UNC13A: variants seen among roughly 807,000 people sequenced by gnomAD.
The protein encoded by UNC13A is protein unc-13 homolog A.
In UNC13A, 61 loss-of-function variants were observed where a neutral mutation model predicts 219.7. That is an observed-to-expected ratio of 0.28 (90% confidence interval 0.23 to 0.34). UNC13A has a LOEUF of 0.34. Ranked by LOEUF, UNC13A falls within the 10% of genes least tolerant of loss-of-function variation. The probability of loss-of-function intolerance (pLI) is 1.00; values close to 1 mark genes in which losing one functional copy is unlikely to be tolerated. For synonymous variants in UNC13A, 920 were observed against 884.6 expected (o/e 1.04, Z -0.71); for missense variants, 1,476 against 2,270.3 (o/e 0.65, Z 7.11).
intron 1 of UNC13A, among the ~76,000 whole-genome samples, chr19:17,680,648 T>A (rs537345682): frequency 5.9e-5 from 9 of 152,128 alleles, no homozygotes; most frequent in African/African-American, 2.2e-4. Context: ...ACGGAGTGGC[T>A]GATCTCCCTT....
Position 17,616,379 on chromosome 19 carries a change from G to A in UNC13A, c.4558+1323C>T, listed in dbSNP as rs1040716035. 9 of 691,218 alleles carry A rather than the reference G, an allele frequency of 1.3e-5. No individual in the cohort carries two copies. The African/African-American group carries it at 1.6e-4, about 12-fold the overall frequency. The allele number at this position is 691,218 out of a possible 1,614,324, so 42.8% of individuals were successfully genotyped here. A position where few individuals can be genotyped will look rare whatever the true frequency, so the allele number is the denominator to read the frequency against. On this transcript the variant is annotated intron_variant, in intron 41 of 43. Coordinates refer to ENST00000519716, the MANE Select transcript of UNC13A (RefSeq NM_001080421.3). The stretch of plus-strand genomic sequence containing the variant: ...GCGCAGGCACCGGGCACCAGGCGCG[G>A]GCGGCGGGCGGGAGGCGGAGGCACG...
Position 17,649,318 on chromosome 19 carries a change from GC to G in UNC13A, c.1524+20del. ...GAGTTTGGGGAGAAGATCCCAAGAG[GC>G]CCATGTCGCCATCACTCACCATGGC... On this transcript the variant is annotated intron_variant, in intron 14 of 43. Transcript: ENST00000519716. The surrounding 1 kb of genome is among the most constrained non-coding windows in gnomAD (Gnocchi z 4.4). 1 of 1,574,212 alleles carries G rather than the reference GC, an allele frequency of 6.4e-7. No homozygotes were observed. Among genetic ancestry groups the G allele is most frequent in the Non-Finnish European group, 8.6e-7 (1 of 1,166,190 alleles).
chr19:17,619,116 G>A, intron 38 of UNC13A, 154 bp from the exon 39 acceptor site: 2 of 692,704 alleles, frequency 2.9e-6, no homozygotes, highest in South Asian at 3.5e-5. Context: ...AAGAACTGAG[G>A]AGGATGTGGT....
At chr19:17,658,789 T>C (rs1170836590) in intron 8 of UNC13A, among the ~76,000 whole-genome samples, 1 of 152,140 alleles carries the variant, frequency 6.6e-6, no homozygotes, top group Non-Finnish European at 1.5e-5. Flanking sequence ...ACCAAGAAGA[T>C]GCTGAGACAT....
Position 17,605,994 on chromosome 19 carries a change from C to T in UNC13A, c.*60G>A. The T allele has an allele frequency of 2.9e-6, 4 of 1,367,570 alleles. No individual in the cohort carries two copies. Among genetic ancestry groups the T allele is most frequent in the Non-Finnish European group, 2.8e-6 (3 of 1,060,460 alleles). 84.7% of individuals were successfully genotyped at this position (1,367,570 alleles called of 1,614,324 possible). ...GGAGGTCCCACCAAGGCGCAAGCCC[C>T]GTCCCTCCCCGCCCAGCGCCCTCCG... is the stretch of plus-strand genomic sequence containing the variant. On this transcript the variant is annotated 3_prime_UTR_variant, in exon 44 of 44. Coordinates refer to ENST00000519716, the MANE Select transcript of UNC13A (RefSeq NM_001080421.3).
At chr19:17,620,330 TC>T (rs2076714536) in intron 38 of UNC13A, among the ~76,000 whole-genome samples, 1 of 152,128 alleles carries the variant, frequency 6.6e-6, no homozygotes, top group South Asian at 2.1e-4. Flanking sequence ...ATCTGGTCAT[TC>T]CTAGAGGTAT....
chr19:17,651,453 T>A (rs943978590), intron 12 of UNC13A, among the ~76,000 whole-genome samples: 1 of 152,172 alleles, frequency 6.6e-6, no homozygotes, highest in African/African-American at 2.4e-5. Context: ...CTTGAACTCC[T>A]GACGTCAGGC....
At chr19:17,685,676 G>A (rs1382859494) in intron 1 of UNC13A, among the ~76,000 whole-genome samples, 1 of 152,196 alleles carries the variant, frequency 6.6e-6, no homozygotes, top group Non-Finnish European at 1.5e-5. Flanking sequence ...AGGCATTTGA[G>A]TACACACGTG....
chr19:17,606,472 C>G, intron 43 of UNC13A, 118 bp from the exon 44 acceptor site: 2 of 1,338,092 alleles, frequency 1.5e-6, no homozygotes, highest in Non-Finnish European at 2.0e-6. Context: ...CACCTGTCAC[C>G]TCCCACGCTA....
intron 35 of UNC13A, 21 bp downstream of exon 35, chr19:17,624,808 C>G (rs375796390): frequency 6.2e-7 from 1 of 1,604,490 alleles, no homozygotes; most frequent in South Asian, 1.1e-5. Flanking sequence ...AATGTCCCCT[C>G]GGGCCCCCTG....
chr19:17,623,172 T>G (rs1408734682), intron 36 of UNC13A: 1 of 265,714 alleles, frequency 3.8e-6, no homozygotes, highest in Non-Finnish European at 7.1e-6. Flanking sequence ...GTCAGAGGAA[T>G]CCTGGGGTTG....
At chr19:17,622,278 T>C (rs2076737238) in intron 36 of UNC13A, among the ~76,000 whole-genome samples, 1 of 152,200 alleles carries the variant, frequency 6.6e-6, no homozygotes, top group Non-Finnish European at 1.5e-5. Context: ...TTCTGGCATA[T>C]ATTTACTATA....
intron 7 of UNC13A, among the ~76,000 whole-genome samples, chr19:17,665,907 A>C (rs547933539): frequency 5.3e-5 from 8 of 152,062 alleles, no homozygotes; most frequent in African/African-American, 1.9e-4. Context: ...CAGATGCGCT[A>C]TTTCAAAGAG....
intron 1 of UNC13A, 78 bp downstream of exon 1, chr19:17,688,100 C>A (rs1035590711): frequency 3.3e-6 from 5 of 1,496,012 alleles, no homozygotes; most frequent in Non-Finnish European, 4.5e-6. Context: ...CAGGAACCCC[C>A]TGGGAGCCGC....
In UNC13A at chr19:17,643,102, C is replaced by T. The variant is rs546595226; in HGVS notation, c.2357-142G>A. The T allele has an allele frequency of 1.0e-5, 6 of 599,712 alleles. No homozygotes were observed. In the African/African-American group the frequency reaches 1.1e-4, roughly 11 times the overall value. The allele number at this position is 599,712 out of a possible 1,614,324, so 37.1% of individuals were successfully genotyped here. A position where few individuals can be genotyped will look rare whatever the true frequency, so the allele number is the denominator to read the frequency against. ...TCTCAGCTCACTGCAACCTCCACCT[C>T]CTGGGTTCAAGCGATTCTCCTGTCT... On this transcript the variant is annotated intron_variant, in intron 19 of 43. Transcript: ENST00000519716.
At chr19:17,631,801 G>A (rs1040018630) in intron 28 of UNC13A, among the ~76,000 whole-genome samples, 6 of 152,186 alleles carry the variant, frequency 3.9e-5, no homozygotes, top group African/African-American at 1.4e-4. Flanking sequence ...CTGGAGTGCA[G>A]TGACACGATT....
chr19:17,679,252 T>C (rs1452802785), intron 1 of UNC13A, among the ~76,000 whole-genome samples: 1 of 151,318 alleles, frequency 6.6e-6, no homozygotes, highest in Non-Finnish European at 1.5e-5. Flanking sequence ...ATACAAAAAT[T>C]AGCCGGGCAT....
intron 20 of UNC13A, 142 bp downstream of exon 20, chr19:17,642,703 T>A: frequency 1.5e-6 from 1 of 674,690 alleles, no homozygotes; most frequent in South Asian, 2.5e-5. Context: ...TAGGGAGGAG[T>A]TTTCCAGGTA....
At chr19:17,675,603 C>T (rs2079881573) in intron 2 of UNC13A, among the ~76,000 whole-genome samples, 1 of 149,102 alleles carries the variant, frequency 6.7e-6, no homozygotes, top group Non-Finnish European at 1.5e-5. Context: ...TGCACTCCAG[C>T]CTGGGCAACA....
Sources: allele counts gnomAD v4.1 joint callset (sites outside exome capture counted in the v4.1 genomes callset), GRCh38; gene constraint gnomAD v4.1.1; non-coding constraint Gnocchi (gnomAD v3.1); transcripts MANE v1.5; gene names NCBI Gene and HGNC (gene_info 2026-07-23, HGNC 2026-07-21).